The following SYNJ2 variants were observed in gnomAD, a reference collection of about 807,000 sequenced individuals.
SYNJ2 encodes the protein polyphosphatidylinositol phosphatase SYNJ2.
In SYNJ2, 116 loss-of-function variants were observed where a neutral mutation model predicts 141.3. The observed-to-expected ratio is 0.82, with a 90% CI of 0.71 to 0.96. The LOEUF is 0.96. Among genes scored for constraint, SYNJ2 ranks in the 40% least tolerant of loss-of-function variants. The pLI is 0.00. For missense variants in SYNJ2, 1,873 were observed against 1,934.8 expected, an observed-to-expected ratio of 0.97 and a Z score of 0.60; for synonymous variants, 745 against 777.7, an observed-to-expected ratio of 0.96 and a Z score of 0.70.
At chr6:158,052,178 T>G (rs750286807) in intron 5 of SYNJ2, among the ~76,000 whole-genome samples, 4 of 152,220 alleles carry the variant, frequency 2.6e-5, no homozygotes, top group Non-Finnish European at 5.9e-5. Context: ...ACACTACTTT[T>G]ACAACACTCA....
chr6:158,061,160 C>T (rs1306039935), intron 7 of SYNJ2, among the ~76,000 whole-genome samples: 2 of 152,202 alleles, frequency 1.3e-5, no homozygotes, highest in African/African-American at 4.8e-5. Context: ...GATCAGATGA[C>T]CCCCAAGTCC....
chr6:158,036,791 T>G (rs191905072), intron 4 of SYNJ2, among the ~76,000 whole-genome samples: 273 of 152,308 alleles, frequency 1.8e-3, no homozygotes, highest in African/African-American at 6.4e-3. Context: ...AGTTAAATTT[T>G]GAAAAATTTT....
chr6:158,081,454 G>A lies in SYNJ2; in HGVS notation c.2809G>A (p.Val937Ile). The change falls in exon 20 of 27, where the codon GTA becomes ATA. Residue 937 changes from valine to isoleucine, a missense_variant. Val to Ile is a conservative substitution (Grantham distance 29, BLOSUM62 3). Transcript: ENST00000355585. ...LVRINQGQML[V>I]TFADSHSALS... ...CAGGATCAACCAAGGGCAGATGCTG[G>A]TAACTTTTGCAGACAGTCACTCGGC... The A allele has an allele frequency of 1.2e-6, 2 of 1,614,004 alleles. No homozygotes were observed. Among genetic ancestry groups the A allele is most frequent in the Non-Finnish European group, 1.7e-6 (2 of 1,180,008 alleles).
chr6:158,047,804 A>AAAAAAAAAAAAAC (rs1562355946), intron 5 of SYNJ2, among the ~76,000 whole-genome samples: 1 of 141,636 alleles, frequency 7.1e-6, no homozygotes. Flanking sequence ...AAAAAAAAAA[A>AAAAAAAAAAAAAC]ACACACAGTA....
intron 1 of SYNJ2, among the ~76,000 whole-genome samples, chr6:158,005,387 T>C (rs1487478667): frequency 6.6e-6 from 1 of 152,164 alleles, no homozygotes; most frequent in Admixed American, 6.5e-5. Flanking sequence ...CCCAGTGATC[T>C]TTGACCCCAC....
At chr6:158,064,092 G>A (rs987287236) in intron 9 of SYNJ2, among the ~76,000 whole-genome samples, 4 of 152,226 alleles carry the variant, frequency 2.6e-5, no homozygotes, top group African/African-American at 7.2e-5. Flanking sequence ...ACACCCTCTT[G>A]TGAAATGCAT....
intron 5 of SYNJ2, among the ~76,000 whole-genome samples, chr6:158,054,470 A>C (rs1039843218): frequency 3.9e-5 from 6 of 152,254 alleles, no homozygotes; most frequent in Non-Finnish European, 8.8e-5. Context: ...TATGTATTTT[A>C]AATGTATTTT....
chr6:158,013,159 A>G (rs1427740403), intron 1 of SYNJ2, among the ~76,000 whole-genome samples: 1 of 152,210 alleles, frequency 6.6e-6, no homozygotes, highest in Non-Finnish European at 1.5e-5. Context: ...AGACGGGCAG[A>G]TCACTTGAGG....
Position 158,064,939 on chromosome 6 carries a change from C to G in SYNJ2, c.1473C>G (p.Gly491=), listed in dbSNP as rs757943502. 33 of 1,612,548 alleles carry G rather than the reference C, an allele frequency of 2.0e-5. 1 individual carries two copies. The South Asian group carries it at 3.4e-4, about 17-fold the overall frequency. Reference sequence around the variant, plus strand: ...TGCTGCTGGTTGGGGACGTCTACGGCGAGGAGGTGGCAGACAAAGGGGGCA... The same window carrying G: ...TGCTGCTGGTTGGGGACGTCTACGGGGAGGAGGTGGCAGACAAAGGGGGCA... The part of the protein sequence containing the change: ...IKLLLVGDVY[G]EEVADKGGML... Residue 491 remains glycine (G), a synonymous_variant, in exon 11 of 27, where the codon GGC becomes GGG. Transcript: ENST00000355585.
intron 1 of SYNJ2, among the ~76,000 whole-genome samples, chr6:157,997,464 A>G (rs965972681): frequency 6.6e-6 from 1 of 152,188 alleles, no homozygotes; most frequent in Admixed American, 6.5e-5. Context: ...CAGCCATATG[A>G]CAATGGAGGC....
chr6:158,007,679 G>C (rs1778124684), intron 1 of SYNJ2, among the ~76,000 whole-genome samples: 1 of 152,182 alleles, frequency 6.6e-6, no homozygotes, highest in South Asian at 2.1e-4. Flanking sequence ...TTTCGCTCTT[G>C]TCACGCAGGC....
intron 1 of SYNJ2, among the ~76,000 whole-genome samples, chr6:157,985,084 G>A (rs1036438013): frequency 5.9e-5 from 9 of 152,216 alleles, no homozygotes; most frequent in African/African-American, 2.2e-4. Context: ...ATTCCTGAAG[G>A]ATCCTAACTG....
intron 20 of SYNJ2, 72 bp downstream of exon 20, chr6:158,081,582 C>G (rs1398573219): frequency 3.5e-6 from 3 of 848,482 alleles, no homozygotes; most frequent in Non-Finnish European, 5.9e-6. Context: ...ATGTCTTCTT[C>G]CTCCTCTTGC....
intron 2 of SYNJ2, among the ~76,000 whole-genome samples, chr6:158,019,305 G>A (rs1443958410): frequency 6.6e-6 from 1 of 152,246 alleles, no homozygotes; most frequent in Non-Finnish European, 1.5e-5. Flanking sequence ...CGGCACCAGG[G>A]ACTGCCTTCA....
chr6:158,050,795 A>C (rs1002870998), intron 5 of SYNJ2, among the ~76,000 whole-genome samples: 15 of 152,070 alleles, frequency 9.9e-5, no homozygotes, highest in African/African-American at 3.6e-4. Context: ...TTTCTGTCAA[A>C]TTAATTTGCG....
chr6:157,983,464 C>T (rs1013235719), intron 1 of SYNJ2, among the ~76,000 whole-genome samples: 10 of 152,142 alleles, frequency 6.6e-5, no homozygotes, highest in East Asian at 1.9e-4. Flanking sequence ...TTATCGGAAG[C>T]GAAAGAGTAA....
intron 18 of SYNJ2, 63 bp downstream of exon 18, chr6:158,078,344 C>A: frequency 9.3e-7 from 1 of 1,072,396 alleles, no homozygotes; most frequent in Non-Finnish European, 1.4e-6. Flanking sequence ...TCCCTCTCCG[C>A]AGGAAAATGC....
chr6:158,024,763 G>A (rs150356301), intron 2 of SYNJ2, among the ~76,000 whole-genome samples: 8 of 152,110 alleles, frequency 5.3e-5, no homozygotes, highest in Non-Finnish European at 5.9e-5. Context: ...TTCTGAAGAG[G>A]GGGGACTGGA....
At chr6:158,063,939 G>T in intron 9 of SYNJ2, 67 bp downstream of exon 9, 1 of 1,544,752 alleles carries the variant, frequency 6.5e-7, no homozygotes, top group Non-Finnish European at 8.9e-7. Flanking sequence ...GGACAGGCTG[G>T]GCTGAGCACC....
Sources: allele counts gnomAD v4.1 joint callset (sites outside exome capture counted in the v4.1 genomes callset), GRCh38; gene constraint gnomAD v4.1.1; transcripts MANE v1.5; gene names NCBI Gene and HGNC (gene_info 2026-07-23, HGNC 2026-07-21).